PCDH15: variants seen among roughly 807,000 people sequenced by gnomAD.
The protein encoded by PCDH15 is protocadherin related 15.
A neutral mutation model predicts 178.5 loss-of-function variants in PCDH15; 129 were observed. The observed-to-expected ratio is 0.72, with a 90% CI of 0.63 to 0.84. PCDH15 has a LOEUF of 0.84. Among genes scored for constraint, PCDH15 ranks in the 40% least tolerant of loss-of-function variants. The pLI is 0.00. For synonymous variants in PCDH15, 800 were observed against 732.0 expected, an observed-to-expected ratio of 1.09 and a Z score of -1.50; for missense variants, 2,230 against 2,099.9, an observed-to-expected ratio of 1.06 and a Z score of -1.21.
rs1841627968 is a variant in PCDH15 at position 55,068,586 on chromosome 10, T to C, written c.-80+97990A>G. ...TTCTTTGGCTCTTCTGGATATTTTT[T>C]TGTTTCAAATGAATTTTAGGATATT... On this transcript the variant is annotated intron_variant, in intron 2 of 5. Coordinates refer to the PCDH15 transcript ENST00000458638. Among the ~76,000 whole-genome samples the C allele has an allele frequency of 2.0e-5, 3 of 152,148 alleles. No individual in the cohort carries two copies. The South Asian group carries it at 6.2e-4, about 31-fold the overall frequency.
chr10:55,196,452 C>A (rs1298316796), intron 1 of PCDH15, among the ~76,000 whole-genome samples: 1 of 152,018 alleles, frequency 6.6e-6, no homozygotes, highest in Non-Finnish European at 1.5e-5. Flanking sequence ...TCAATTATTT[C>A]TTCTTTCTTT....
chr10:54,014,130 T>G (rs1407489042), intron 20 of PCDH15, among the ~76,000 whole-genome samples: 8 of 152,054 alleles, frequency 5.3e-5, no homozygotes, highest in Non-Finnish European at 1.2e-4. Flanking sequence ...ACTCAGAGAC[T>G]ATGAACACCT....
chr10:54,401,855 T>G (rs1951973820), intron 3 of PCDH15, among the ~76,000 whole-genome samples: 1 of 151,850 alleles, frequency 6.6e-6, no homozygotes, highest in African/African-American at 2.4e-5. Flanking sequence ...TTAAACAAAC[T>G]ATTACAAAAA....
At chr10:54,343,228 G>C (rs1942585887) in intron 6 of PCDH15, among the ~76,000 whole-genome samples, 1 of 152,138 alleles carries the variant, frequency 6.6e-6, no homozygotes, top group African/African-American at 2.4e-5. Flanking sequence ...TCTAGGGAGT[G>C]ACCTGGTGGG....
At chr10:55,090,440 C>G (rs1842288201) in intron 2 of PCDH15, among the ~76,000 whole-genome samples, 1 of 152,016 alleles carries the variant, frequency 6.6e-6, no homozygotes, top group Admixed American at 6.6e-5. Context: ...GGATCACACT[C>G]TTTTAGATCT....
chr10:54,132,958 T>G lies in PCDH15; in HGVS notation c.1834A>C (p.Ser612Arg), dbSNP rs2133061496. The G allele has an allele frequency of 6.2e-7, 1 of 1,614,074 alleles. No individual in the cohort carries two copies. Among genetic ancestry groups the G allele is most frequent in the Non-Finnish European group, 8.5e-7 (1 of 1,179,988 alleles). The change falls in exon 15 of 38, where the codon AGC becomes CGC. Residue 612 changes from serine to arginine, a missense_variant. Transcript: ENST00000644397. ...ATCAGCTGTGGGAAGCGAGGAGGGCTTTGATTATTTGGTGGAAGCACTTCA... is the reference window on the plus strand; with the variant it reads ...ATCAGCTGTGGGAAGCGAGGAGGGCGTTGATTATTTGGTGGAAGCACTTCA... ...YIEVLPPNNQ[S>R]PPRFPQLMYS...
intron 1 of PCDH15, among the ~76,000 whole-genome samples, chr10:54,723,932 T>C (rs1942066462): frequency 6.6e-6 from 1 of 151,740 alleles, no homozygotes; most frequent in South Asian, 2.1e-4. Flanking sequence ...GTTTATACAC[T>C]GTTGGTGAGA....
chr10:53,810,652 A>C lies in PCDH15; in HGVS notation c.4575T>G (p.Pro1525=), dbSNP rs776424038. 1 of 1,613,556 alleles carries C rather than the reference A, an allele frequency of 6.2e-7. No homozygotes were observed. Among genetic ancestry groups the C allele is most frequent in the Admixed American group, 1.7e-5 (1 of 60,016 alleles). The change falls in exon 37 of 38, where the codon CCT becomes CCG. Residue 1525 remains proline (P), a synonymous_variant. Coordinates refer to ENST00000644397, the MANE Select transcript of PCDH15 (RefSeq NM_001384140.1). ...YYSYEHGYEM[P]QYGSRRRLLP... ...ACAATCGACGGCGACTCCCATATTGAGGCATTTCATACCTGTAATATAAAC... is the reference window on the plus strand; with the variant it reads ...ACAATCGACGGCGACTCCCATATTGCGGCATTTCATACCTGTAATATAAAC...
chr10:54,244,630 A>G (rs1008602092), intron 8 of PCDH15, among the ~76,000 whole-genome samples: 13 of 152,226 alleles, frequency 8.5e-5, no homozygotes, highest in Middle Eastern at 3.2e-3. Flanking sequence ...AGGAGGATAC[A>G]TAGATCACAG....
At chr10:53,896,818 C>T (rs1302536191) in intron 26 of PCDH15, among the ~76,000 whole-genome samples, 6 of 152,124 alleles carry the variant, frequency 3.9e-5, no homozygotes, top group Non-Finnish European at 8.8e-5. Flanking sequence ...TTATGAGAAC[C>T]TAATGCCTGA....
At chr10:54,129,368 A>G (rs2042239028) in intron 15 of PCDH15, among the ~76,000 whole-genome samples, 1 of 152,216 alleles carries the variant, frequency 6.6e-6, no homozygotes, top group South Asian at 2.1e-4. Flanking sequence ...CTATTGAACT[A>G]ACCCATTTTT....
At chr10:55,154,927 C>A (rs762402642) in intron 2 of PCDH15, among the ~76,000 whole-genome samples, 5 of 152,080 alleles carry the variant, frequency 3.3e-5, no homozygotes, top group Non-Finnish European at 7.4e-5. Flanking sequence ...GTAATTCACA[C>A]CCCTGACATA....
At chr10:55,134,222 T>C (rs1166544756) in intron 2 of PCDH15, among the ~76,000 whole-genome samples, 1 of 152,132 alleles carries the variant, frequency 6.6e-6, no homozygotes, top group Non-Finnish European at 1.5e-5. Flanking sequence ...CAACAATTCA[T>C]TTTTCAACCT....
intron 15 of PCDH15, among the ~76,000 whole-genome samples, chr10:54,120,781 T>A (rs987197759): frequency 3.3e-5 from 5 of 151,444 alleles, no homozygotes; most frequent in African/African-American, 1.2e-4. Flanking sequence ...CATTGTAGAG[T>A]CTAGATTCAC....
At chr10:54,903,845 C>G (rs1954678604) in intron 2 of PCDH15, among the ~76,000 whole-genome samples, 1 of 152,030 alleles carries the variant, frequency 6.6e-6, no homozygotes, top group Admixed American at 6.6e-5. Context: ...TGGTAGAGTT[C>G]ATTTGTCAAG....
At chr10:55,045,239 C>A (rs1840969329) in intron 2 of PCDH15, among the ~76,000 whole-genome samples, 1 of 152,014 alleles carries the variant, frequency 6.6e-6, no homozygotes, top group African/African-American at 2.4e-5. Context: ...TGTACCCAAG[C>A]CTCATGTCTT....
At chr10:54,650,653 G>T (rs113403950) in intron 2 of PCDH15, among the ~76,000 whole-genome samples, 1 of 152,016 alleles carries the variant, frequency 6.6e-6, no homozygotes, top group African/African-American at 2.4e-5. Context: ...ATGGACTTAC[G>T]GTTCCACATG....
At chr10:54,772,369 A>T (rs1275266327) in intron 1 of PCDH15, among the ~76,000 whole-genome samples, 1 of 152,084 alleles carries the variant, frequency 6.6e-6, no homozygotes, top group Non-Finnish European at 1.5e-5. Context: ...ATAATTTAAG[A>T]CATTCCTTGT....
At chr10:54,805,293 A>C (rs1952761687), upstream of PCDH15, among the ~76,000 whole-genome samples, 1 of 152,034 alleles carries the variant, frequency 6.6e-6, no homozygotes, top group Non-Finnish European at 1.5e-5. Flanking sequence ...GTTTTACTGA[A>C]TGAAGGCCTC....
Sources: gnomAD v4.1 joint callset for allele counts (sites outside exome capture counted in the v4.1 genomes callset) on GRCh38, gnomAD v4.1.1 for gene constraint, MANE v1.5 for transcripts, NCBI Gene and HGNC (gene_info 2026-07-23, HGNC 2026-07-21) for gene names.